The following FAM81A variants were observed in gnomAD, a reference collection of about 807,000 sequenced individuals.
The protein encoded by FAM81A is family with sequence similarity 81 member A, also known as protein FAM81A.
Under a neutral mutation model 46.7 loss-of-function variants are expected in FAM81A, and 19 were observed. The ratio of observed to expected loss-of-function variants is 0.41; its 90% CI spans 0.28 to 0.60. The LOEUF is 0.60. Among genes scored for constraint, FAM81A ranks in the 20% least tolerant of loss-of-function variants. The pLI is 0.34. For synonymous variants in FAM81A, 183 were observed against 152.9 expected, an observed-to-expected ratio of 1.20 and a Z score of -1.45; for missense variants, 377 against 453.5, an observed-to-expected ratio of 0.83 and a Z score of 1.53.
intron 1 of FAM81A, among the ~76,000 whole-genome samples, chr15:59,456,584 T>A (rs190181815): frequency 1.3e-5 from 2 of 152,090 alleles, no homozygotes; most frequent in Non-Finnish European, 2.9e-5. Flanking sequence ...TGTTTTTGTT[T>A]GTTTGTATTT....
chr15:59,467,223 G>GT (rs1174995697), intron 3 of FAM81A, among the ~76,000 whole-genome samples: 1 of 152,160 alleles, frequency 6.6e-6, no homozygotes, highest in Non-Finnish European at 1.5e-5. Context: ...CTTTAAAGCA[G>GT]TTTTTTTCAA....
chr15:59,444,136 G>A (rs1431156960), intron 1 of FAM81A: 1 of 152,280 alleles, frequency 6.6e-6, no homozygotes, highest in Non-Finnish European at 1.5e-5. Flanking sequence ...GGGAGTTCCT[G>A]CAGCGCAGGG....
intron 1 of FAM81A, among the ~76,000 whole-genome samples, chr15:59,453,289 G>T (rs918939618): frequency 2.0e-5 from 3 of 152,152 alleles, no homozygotes; most frequent in African/African-American, 7.2e-5. Context: ...ATGTGATGTT[G>T]GGCCAGTTGC....
chr15:59,464,649 A>G (rs1407801104), intron 3 of FAM81A, among the ~76,000 whole-genome samples: 4 of 152,186 alleles, frequency 2.6e-5, no homozygotes, highest in African/African-American at 9.7e-5. Flanking sequence ...TCATTTACCC[A>G]TTTAAAAAAT....
intron 4 of FAM81A, among the ~76,000 whole-genome samples, chr15:59,497,922 A>G (rs2141778894): frequency 6.6e-6 from 1 of 152,344 alleles, no homozygotes; most frequent in African/African-American, 2.4e-5. Flanking sequence ...CAGTGGCATG[A>G]TCACAATTCC....
chr15:59,430,017 T>C (rs2081212676), intron 2 of FAM81A, among the ~76,000 whole-genome samples: 1 of 152,106 alleles, frequency 6.6e-6, no homozygotes, highest in Non-Finnish European at 1.5e-5. Context: ...TACTTTACCA[T>C]TCATGAGAAT....
At chr15:59,453,332 C>T (rs556138172) in intron 1 of FAM81A, among the ~76,000 whole-genome samples, 133 of 152,300 alleles carry the variant, frequency 8.7e-4, no homozygotes, top group Non-Finnish European at 1.7e-3. Context: ...TCCTCTGGTT[C>T]AATGTTGATA....
At chr15:59,492,505 C>T in intron 4 of FAM81A, 116 bp downstream of exon 4, 1 of 761,134 alleles carries the variant, frequency 1.3e-6, no homozygotes, top group Non-Finnish European at 2.1e-6. Flanking sequence ...TCCTTTAGTA[C>T]ATTCCCTCCC....
intron 4 of FAM81A, among the ~76,000 whole-genome samples, chr15:59,505,489 G>A (rs1169614666): frequency 6.6e-6 from 1 of 151,318 alleles, no homozygotes; most frequent in African/African-American, 2.4e-5. Context: ...TCCAGCCTGG[G>A]TGACAGAGTT....
chr15:59,415,485 G>A (rs1166711439), intron 2 of FAM81A, among the ~76,000 whole-genome samples: 1 of 152,186 alleles, frequency 6.6e-6, no homozygotes, highest in Non-Finnish European at 1.5e-5. Flanking sequence ...GTGCTTAAAA[G>A]TGGAACAGGG....
intron 3 of FAM81A, among the ~76,000 whole-genome samples, chr15:59,484,725 G>C (rs1190682446): frequency 6.6e-6 from 1 of 152,190 alleles, no homozygotes; most frequent in African/African-American, 2.4e-5. Context: ...GATTTCTTCT[G>C]CTTGAGAAAA....
At position 59,516,630 on chromosome 15, in the gene FAM81A, TATC is replaced by T; in HGVS notation, c.787-12_787-10del. 6.2e-7 allele frequency: 1 copy of T among 1,604,656 alleles called. No individual in the cohort carries two copies. Among genetic ancestry groups the T allele is most frequent in the Non-Finnish European group, 8.5e-7 (1 of 1,177,702 alleles). On this transcript the variant is annotated splice_polypyrimidine_tract_variant and intron_variant, in intron 7 of 8. Coordinates refer to ENST00000288228, the MANE Select transcript of FAM81A (RefSeq NM_152450.3). The stretch of plus-strand genomic sequence containing the variant: ...TTTTGGAGTGATTAAGTGCAGTTCT[TATC>T]ATGGATCTCAGGGAGCCAGTGAAAG...
chr15:59,434,188 G>A (rs1171469472), upstream of FAM81A, among the ~76,000 whole-genome samples: 4 of 152,156 alleles, frequency 2.6e-5, no homozygotes, highest in East Asian at 1.9e-4. Flanking sequence ...AAATGGATAT[G>A]GCAATAATGA....
At chr15:59,416,952 G>A (rs12902139) in intron 2 of FAM81A, among the ~76,000 whole-genome samples, 56,729 of 151,852 alleles carry the variant, frequency 0.37, 12,278 homozygotes, top group Admixed American at 0.51. Flanking sequence ...TTCTTTCTGC[G>A]AGTAAGCAGC....
In FAM81A at chr15:59,492,265, G is replaced by GC; in HGVS notation, c.295-3dup. 2 of 1,601,458 alleles carry GC rather than the reference G, an allele frequency of 1.2e-6. No homozygotes were observed. Among genetic ancestry groups the GC allele is most frequent in the Non-Finnish European group, 1.7e-6 (2 of 1,170,566 alleles). ...TGACTCCCTTAGTGTTTTTTATGTT[G>GC]CCCAGGTACTCCAGGAGCAGATTCG... On this transcript the variant is annotated splice_region_variant and splice_polypyrimidine_tract_variant and intron_variant, in intron 3 of 8. Coordinates refer to ENST00000288228, the MANE Select transcript of FAM81A (RefSeq NM_152450.3).
intron 2 of FAM81A, chr15:59,406,967 C>A: frequency 1.3e-5 from 2 of 159,996 alleles, no homozygotes; most frequent in South Asian, 1.7e-4. Context: ...TACATTTAAC[C>A]CAGTTTGGTG....
chr15:59,522,556 G>T lies in FAM81A; in HGVS notation c.*1178G>T, dbSNP rs1244854634. On this transcript the variant is annotated 3_prime_UTR_variant, in exon 9 of 9. Transcript: ENST00000288228. ...TTGAGCAACTTTGTAGATGATGGGT[G>T]TTTTATTTTCAATCGCCATATTTGA... 1 of 152,196 alleles carries T rather than the reference G, an allele frequency of 6.6e-6. No individual in the cohort carries two copies. The highest frequency in any genetic ancestry group is 1.5e-5 in the Non-Finnish European group (1 of 68,006). The allele number at this position is 152,196 out of a possible 1,614,324, so 9.4% of individuals were successfully genotyped here.
intron 1 of FAM81A, among the ~76,000 whole-genome samples, chr15:59,449,606 C>T (rs2081391733): frequency 2.0e-5 from 3 of 151,882 alleles, no homozygotes; most frequent in African/African-American, 7.2e-5. Context: ...ACAGTGAAAC[C>T]CCGTCTCTAC....
At chr15:59,482,353 C>G (rs937257877) in intron 3 of FAM81A, among the ~76,000 whole-genome samples, 3 of 152,080 alleles carry the variant, frequency 2.0e-5, no homozygotes, top group African/African-American at 4.8e-5. Context: ...ACTACGATCT[C>G]CACTACCTGG....
Sources: allele counts gnomAD v4.1 joint callset (sites outside exome capture counted in the v4.1 genomes callset), GRCh38; gene constraint gnomAD v4.1.1; transcripts MANE v1.5; gene names NCBI Gene and HGNC (gene_info 2026-07-23, HGNC 2026-07-21).